SLC13A2: variants seen among roughly 807,000 people sequenced by gnomAD.
The protein encoded by SLC13A2 is Na(+)-coupled citrate transporter.
Under a neutral mutation model 58.5 loss-of-function variants are expected in SLC13A2, and 40 were observed. That is an observed-to-expected ratio of 0.68 (90% CI 0.53 to 0.89). SLC13A2 has a LOEUF of 0.89. Among genes scored for constraint, SLC13A2 ranks in the 40% least tolerant of loss-of-function variants. The probability of loss-of-function intolerance (pLI) is 0.00; values close to 1 mark genes in which losing one functional copy is unlikely to be tolerated. For synonymous variants in SLC13A2, 341 were observed against 331.6 expected, an observed-to-expected ratio of 1.03 and a Z score of -0.31; for missense variants, 694 against 772.6, an observed-to-expected ratio of 0.90 and a Z score of 1.21.
At chr17:28,487,231 C>T (rs1383721137) in intron 1 of SLC13A2, among the ~76,000 whole-genome samples, 1 of 152,172 alleles carries the variant, frequency 6.6e-6, no homozygotes, top group Non-Finnish European at 1.5e-5. Flanking sequence ...AGCTCATTCT[C>T]CCTACACTCC....
intron 1 of SLC13A2, among the ~76,000 whole-genome samples, chr17:28,487,084 C>T (rs956681424): frequency 1.1e-4 from 17 of 152,220 alleles, no homozygotes; most frequent in Non-Finnish European, 2.1e-4. Context: ...AGGCGTGAGC[C>T]GCCATGCCCA....
At chr17:28,480,856 G>A (rs886839715) in intron 1 of SLC13A2, among the ~76,000 whole-genome samples, 1 of 152,128 alleles carries the variant, frequency 6.6e-6, no homozygotes, top group Non-Finnish European at 1.5e-5. Context: ...AGAACAGGAA[G>A]GAATGTCTGG....
chr17:28,484,002 TC>T (rs1485830753), intron 1 of SLC13A2, among the ~76,000 whole-genome samples: 29 of 152,182 alleles, frequency 1.9e-4, no homozygotes, highest in African/African-American at 6.3e-4. Flanking sequence ...GCACTCAGAC[TC>T]CCCGAGGGCC....
rs781925291 is a variant in SLC13A2 at position 28,490,544 on chromosome 17, C to T, written c.322C>T (p.Arg108Cys). The change falls in exon 3 of 12, where the codon CGC (arginine) becomes TGC (cysteine). Residue 108 changes from arginine to cysteine, a missense_variant. By Grantham distance (180) the Arg-to-Cys change is radical (BLOSUM62 -3). Coordinates refer to ENST00000314669, the MANE Select transcript of SLC13A2 (RefSeq NM_003984.4). ...GGTGGAACACTGGAACCTGCATAAA[C>T]GCATCGCCCTCCGTGTCCTCCTCAT... ...IAVEHWNLHK[R>C]IALRVLLIVG... 13 of 1,612,784 alleles carry T rather than the reference C, an allele frequency of 8.1e-6. No individual in the cohort carries two copies. The highest frequency in any genetic ancestry group is 2.2e-5 in the East Asian group (1 of 44,848).
intron 1 of SLC13A2, among the ~76,000 whole-genome samples, chr17:28,484,985 A>T (rs1555601735): frequency 6.6e-6 from 1 of 152,170 alleles, no homozygotes. Context: ...TTTACAGACC[A>T]GGCCAGCACC....
chr17:28,496,429 C>A lies in SLC13A2; in HGVS notation c.1471-21C>A, dbSNP rs376562522. The A allele has an allele frequency of 1.5e-5, 23 of 1,586,196 alleles. No individual in the cohort carries two copies. In the African/African-American group the frequency reaches 1.9e-4, roughly 13 times the overall value. The stretch of plus-strand genomic sequence containing the variant: ...GGCTTGGGGACCAAGTTCAGCTCTG[C>A]GCCACTGCCTCCCACTCCAGGCCCA... On this transcript the variant is annotated intron_variant, in intron 10 of 11. Transcript: ENST00000314669. The surrounding 1 kb of genome is among the most constrained non-coding windows in gnomAD (Gnocchi z 4.2).
intron 5 of SLC13A2, 47 bp downstream of exon 5, chr17:28,491,664 G>A (rs1242269602): frequency 1.2e-6 from 2 of 1,608,394 alleles, no homozygotes; most frequent in African/African-American, 2.7e-5. Flanking sequence ...CACATTCACT[G>A]GGAGGTGAAT....
At chr17:28,490,971 T>C in intron 4 of SLC13A2, 65 bp downstream of exon 4, 1 of 1,442,440 alleles carries the variant, frequency 6.9e-7, no homozygotes, top group Non-Finnish European at 9.4e-7. Context: ...TGAGGGTCTG[T>C]CCGTTTCGAG....
At chr17:28,474,092 A>AG (rs1410353911) in intron 1 of SLC13A2, among the ~76,000 whole-genome samples, 4 of 152,100 alleles carry the variant, frequency 2.6e-5, no homozygotes, top group Non-Finnish European at 4.4e-5. Flanking sequence ...ACAAGATGCA[A>AG]GGGGGGCAGA....
intron 9 of SLC13A2, among the ~76,000 whole-genome samples, chr17:28,495,434 C>G: frequency 6.6e-6 from 1 of 152,192 alleles, no homozygotes; most frequent in East Asian, 1.9e-4. Flanking sequence ...TGGCCCCCTC[C>G]TAATTTCTCA....
intron 1 of SLC13A2, among the ~76,000 whole-genome samples, chr17:28,479,646 G>A (rs1157326761): frequency 6.6e-6 from 1 of 152,236 alleles, no homozygotes; most frequent in Non-Finnish European, 1.5e-5. Flanking sequence ...TTATTGTAAG[G>A]CCAGAAGGCA....
intron 1 of SLC13A2, among the ~76,000 whole-genome samples, chr17:28,480,208 C>G (rs536899589): frequency 2.6e-5 from 4 of 151,736 alleles, no homozygotes; most frequent in Non-Finnish European, 5.9e-5. Context: ...TGGCGCGTGC[C>G]TGTGGTCCCT....
At chr17:28,476,913 T>A (rs1232362933) in intron 1 of SLC13A2, among the ~76,000 whole-genome samples, 6 of 151,928 alleles carry the variant, frequency 3.9e-5, no homozygotes, top group Admixed American at 3.9e-4. Context: ...TTCTAGCACT[T>A]TGGGAGGCCA....
intron 2 of SLC13A2, 127 bp from the exon 3 acceptor site, chr17:28,490,327 A>G: frequency 6.2e-7 from 1 of 1,607,264 alleles, no homozygotes; most frequent in Non-Finnish European, 8.5e-7. Context: ...GACCATTTCC[A>G]TCCAGTTTCG....
intron 1 of SLC13A2, among the ~76,000 whole-genome samples, 167 bp downstream of exon 1, chr17:28,473,981 AAAGGG>A (rs2068629678): frequency 2.0e-5 from 3 of 152,144 alleles, no homozygotes; most frequent in Non-Finnish European, 4.4e-5. Context: ...CTAGGAGGTC[AAAGGG>A]GCTTTTGCTT....
chr17:28,480,718 A>C (rs572476435), intron 1 of SLC13A2, among the ~76,000 whole-genome samples: 1 of 152,078 alleles, frequency 6.6e-6, no homozygotes, highest in Admixed American at 6.5e-5. Flanking sequence ...TCTGCCTCTT[A>C]TCTGAATTCC....
intron 6 of SLC13A2, among the ~76,000 whole-genome samples, chr17:28,493,288 T>C (rs1241418381): frequency 1.3e-5 from 2 of 152,134 alleles, no homozygotes; most frequent in Non-Finnish European, 2.9e-5. Flanking sequence ...GGGTCTGAGC[T>C]GCTAGGTCCT....
chr17:28,480,994 C>A (rs1335027181), intron 1 of SLC13A2, among the ~76,000 whole-genome samples: 3 of 152,242 alleles, frequency 2.0e-5, no homozygotes, highest in South Asian at 4.2e-4. Context: ...CCAGGGGGAT[C>A]CCTGGCGTAG....
rs1026977754 is a variant in SLC13A2, at chr17:28,497,439, C to T, written c.*170C>T. The T allele has an allele frequency of 1.3e-5, 9 of 698,864 alleles. No homozygotes were observed. The highest frequency in any genetic ancestry group is 1.9e-5 in the Non-Finnish European group (8 of 427,680). 43.3% of individuals were successfully genotyped at this position (698,864 alleles called of 1,614,324 possible). On this transcript the variant is annotated 3_prime_UTR_variant, in exon 12 of 12. Coordinates refer to ENST00000314669, the MANE Select transcript of SLC13A2 (RefSeq NM_003984.4). The stretch of plus-strand genomic sequence containing the variant: ...AAGGAAGGGGTGTATGCTCAGTTTC[C>T]TATGTGCTGGAATAAAAGGTGTGTG...
Sources: allele counts gnomAD v4.1 joint callset (sites outside exome capture counted in the v4.1 genomes callset), GRCh38; gene constraint gnomAD v4.1.1; non-coding constraint Gnocchi (gnomAD v3.1); transcripts MANE v1.5; gene names NCBI Gene and HGNC (gene_info 2026-07-23, HGNC 2026-07-21).